ADAMTSL1: variants seen among roughly 807,000 people sequenced by gnomAD.
The protein encoded by ADAMTSL1 is ADAMTS-like protein 1.
Under a neutral mutation model 201.8 loss-of-function variants are expected in ADAMTSL1, and 126 were observed. The ratio of observed to expected loss-of-function variants is 0.62; its 90% CI spans 0.54 to 0.72. The LOEUF (loss-of-function observed/expected upper bound fraction) is 0.72, where lower values mean the gene tolerates loss of function less well. ADAMTSL1 is among the 30% of genes least tolerant of loss of function. The pLI is 0.00. For missense variants in ADAMTSL1, 2,679 were observed against 2,277.8 expected, an observed-to-expected ratio of 1.18 and a Z score of -3.59; for synonymous variants, 1,121 against 903.4, an observed-to-expected ratio of 1.24 and a Z score of -4.32.
At chr9:18,083,637 A>G (rs975763490) in intron 1 of ADAMTSL1, among the ~76,000 whole-genome samples, 17 of 152,224 alleles carry the variant, frequency 1.1e-4, no homozygotes, top group Non-Finnish European at 8.8e-5. Flanking sequence ...TGGAATTCCA[A>G]TTCTAAACAC....
chr9:18,776,850 G>T lies in ADAMTSL1; in HGVS notation c.2621G>T (p.Arg874Leu), dbSNP rs1463723451. The change falls in exon 19 of 29, where the codon CGC becomes CTC. Residue 874 changes from arginine (R) to leucine (L), a missense_variant. Coordinates refer to ENST00000380548, the MANE Select transcript of ADAMTSL1 (RefSeq NM_001040272.6). Reference protein sequence around the residue: ...AAARKVYIQTRRQRKLHFVVG... With the variant: ...AAARKVYIQTLRQRKLHFVVG... Reference sequence around the variant, plus strand: ...GCCAGGAAGGTCTACATACAGACTCGCAGGCAGAGGAAGCTGCACTTCGTG... The same window carrying T: ...GCCAGGAAGGTCTACATACAGACTCTCAGGCAGAGGAAGCTGCACTTCGTG... 1.9e-6 allele frequency: 3 copies of T among 1,604,632 alleles called. No homozygotes were observed. The highest frequency in any genetic ancestry group is 1.7e-5 in the Admixed American group (1 of 58,672).
intron 2 of ADAMTSL1, among the ~76,000 whole-genome samples, chr9:18,173,362 A>T (rs1002790274): frequency 6.6e-6 from 1 of 152,142 alleles, no homozygotes; most frequent in Non-Finnish European, 1.5e-5. Flanking sequence ...ACCCAACATC[A>T]TGGGGCCTCC....
chr9:18,023,724 T>G (rs963941652), intron 1 of ADAMTSL1, among the ~76,000 whole-genome samples: 8 of 152,164 alleles, frequency 5.3e-5, no homozygotes, highest in African/African-American at 1.7e-4. Context: ...TTTGTGTCCT[T>G]TTTCTGTTTC....
At chr9:18,583,080 T>A (rs908584988) in intron 4 of ADAMTSL1, among the ~76,000 whole-genome samples, 2 of 151,974 alleles carry the variant, frequency 1.3e-5, no homozygotes, top group African/African-American at 2.4e-5. Context: ...ATAAGCAGCG[T>A]GAAAATGGGC....
intron 1 of ADAMTSL1, among the ~76,000 whole-genome samples, chr9:18,037,713 G>C (rs1051009922): frequency 4.6e-5 from 7 of 152,042 alleles, no homozygotes; most frequent in African/African-American, 1.4e-4. Context: ...AGTTTAAAAG[G>C]CTTATTTTTT....
At chr9:18,714,077 A>C (rs1405232727) in intron 14 of ADAMTSL1, among the ~76,000 whole-genome samples, 2 of 152,170 alleles carry the variant, frequency 1.3e-5, no homozygotes, top group Non-Finnish European at 2.9e-5. Flanking sequence ...ACATACCAGA[A>C]TCTCTGGGAC....
chr9:18,838,427 T>G (rs1825472595), intron 23 of ADAMTSL1, among the ~76,000 whole-genome samples: 1 of 148,502 alleles, frequency 6.7e-6, no homozygotes, highest in Non-Finnish European at 1.5e-5. Context: ...GAGTAGAAAT[T>G]GTCCTCAGGA....
chr9:18,398,473 C>A (rs1243812950), intron 2 of ADAMTSL1, among the ~76,000 whole-genome samples: 2 of 152,136 alleles, frequency 1.3e-5, no homozygotes, highest in African/African-American at 4.8e-5. Flanking sequence ...TTGGAAAATT[C>A]TATCCACTCT....
In ADAMTSL1 at chr9:18,775,760, G is replaced by A. The variant is rs770277550; in HGVS notation, c.2415G>A (p.Gly805=). 29 of 1,612,948 alleles carry A rather than the reference G, an allele frequency of 1.8e-5. No homozygotes were observed. The highest frequency in any genetic ancestry group is 2.0e-5 in the Non-Finnish European group (24 of 1,179,582). ...SDWTECSTSC[G]EGTQTRSAIC... is the part of the protein sequence containing the mutation. The stretch of plus-strand genomic sequence containing the variant: ...TCCACCAGTGTTCCACAAGCTGCGG[G>A]GAAGGCACCCAGACTCGAAGCGCCA... The change falls in exon 18 of 29, where the codon GGG becomes GGA. Residue 805 remains glycine, a synonymous_variant. Coordinates refer to ENST00000380548, the MANE Select transcript of ADAMTSL1 (RefSeq NM_001040272.6).
chr9:18,720,261 G>C (rs1247272497), intron 14 of ADAMTSL1, among the ~76,000 whole-genome samples: 1 of 152,156 alleles, frequency 6.6e-6, no homozygotes, highest in African/African-American at 2.4e-5. Context: ...ATTTACAACT[G>C]TATGAACTTA....
intron 15 of ADAMTSL1, among the ~76,000 whole-genome samples, chr9:18,748,510 A>G (rs189728021): frequency 9.6e-4 from 146 of 152,334 alleles, no homozygotes; most frequent in African/African-American, 3.4e-3. Flanking sequence ...CAGCCTGTCA[A>G]AAGCATGTCA....
chr9:18,799,614 A>C (rs572595564), intron 20 of ADAMTSL1, among the ~76,000 whole-genome samples: 6 of 152,322 alleles, frequency 3.9e-5, no homozygotes, highest in Admixed American at 1.3e-4. Context: ...TGACATCATC[A>C]ATGGGAAATG....
chr9:18,425,859 G>GA (rs71304881), intron 2 of ADAMTSL1, among the ~76,000 whole-genome samples: 37,796 of 94,604 alleles, frequency 0.4, 7,629 homozygotes, highest in East Asian at 0.44. Flanking sequence ...CCTGTCTCAA[G>GA]AAAAAAAAAA....
chr9:18,401,661 T>A (rs1198095517), intron 2 of ADAMTSL1, among the ~76,000 whole-genome samples: 3 of 152,238 alleles, frequency 2.0e-5, no homozygotes, highest in African/African-American at 4.8e-5. Flanking sequence ...GGAAAACCAC[T>A]TCTCTATTGT....
intron 13 of ADAMTSL1, among the ~76,000 whole-genome samples, chr9:18,686,330 AACC>A (rs1477289758): frequency 1.1e-4 from 17 of 152,182 alleles, no homozygotes; most frequent in African/African-American, 4.1e-4. Context: ...AAAAGCAACT[AACC>A]ACTGCAGAAC....
intron 2 of ADAMTSL1, among the ~76,000 whole-genome samples, chr9:18,267,782 A>AAAAAAAAAAAAAAAAAC (rs1563846246): frequency 6.7e-6 from 1 of 148,882 alleles, no homozygotes; most frequent in Admixed American, 7.3e-5. Flanking sequence ...AAACAAAAAC[A>AAAAAAAAAAAAAAAAAC]AAAACAAAAA....
At position 17,989,200 on chromosome 9, in the gene ADAMTSL1, C is replaced by T. The variant is rs181267987; in HGVS notation, c.87+82278C>T. ...GAAACCCACCTCTAAGCTCATCTACCGAGACAGTCCTTGATAACTCCTTTA... is the reference window on the plus strand; with the variant it reads ...GAAACCCACCTCTAAGCTCATCTACTGAGACAGTCCTTGATAACTCCTTTA... On this transcript the variant is annotated intron_variant, in intron 1 of 29. Coordinates refer to the ADAMTSL1 transcript ENST00000680146. 4.6e-3 allele frequency among the ~76,000 whole-genome samples: 698 copies of T among 151,660 alleles called. 5 individuals carry two copies. Among genetic ancestry groups the T allele is most frequent in the African/African-American group, 0.016 (649 of 41,446 alleles).
intron 7 of ADAMTSL1, among the ~76,000 whole-genome samples, chr9:18,649,172 G>C (rs1309028513): frequency 6.6e-6 from 1 of 152,066 alleles, no homozygotes; most frequent in African/African-American, 2.4e-5. Flanking sequence ...TCTTCCAGTT[G>C]ATTGCATCAG....
At chr9:18,166,925 T>G (rs1449895233) in intron 2 of ADAMTSL1, among the ~76,000 whole-genome samples, 1 of 151,904 alleles carries the variant, frequency 6.6e-6, no homozygotes, top group African/African-American at 2.4e-5. Context: ...CCTATTGGCG[T>G]GAATTAACTT....
Sources: gnomAD v4.1 joint callset for allele counts (sites outside exome capture counted in the v4.1 genomes callset) on GRCh38, gnomAD v4.1.1 for gene constraint, MANE v1.5 for transcripts, NCBI Gene and HGNC (gene_info 2026-07-23, HGNC 2026-07-21) for gene names.